Variants in PPARGC1B observed in about 807,000 individuals in gnomAD.
The protein encoded by PPARGC1B is PPARG coactivator 1 beta.
A neutral mutation model predicts 101.6 loss-of-function variants in PPARGC1B; 34 were observed. The ratio of observed to expected loss-of-function variants is 0.33; its 90% CI spans 0.25 to 0.45. The LOEUF (loss-of-function observed/expected upper bound fraction) is 0.45, where lower values mean the gene tolerates loss of function less well. PPARGC1B is among the 20% of genes least tolerant of loss of function. The probability of loss-of-function intolerance (pLI) is 1.00; values close to 1 mark genes in which losing one functional copy is unlikely to be tolerated. For synonymous variants in PPARGC1B, 548 were observed against 539.3 expected (o/e 1.02, Z -0.22); for missense variants, 1,234 against 1,317.6 (o/e 0.94, Z 0.98).
intron 1 of PPARGC1B, among the ~76,000 whole-genome samples, chr5:149,808,565 T>A (rs11167483): frequency 0.86 from 130,949 of 152,052 alleles, 56,473 homozygotes; most frequent in Middle Eastern, 0.94. Flanking sequence ...GGAAAGAAAC[T>A]GAACTCTCAG....
At chr5:149,749,773 G>A (rs1191753926) in intron 1 of PPARGC1B, among the ~76,000 whole-genome samples, 1 of 152,102 alleles carries the variant, frequency 6.6e-6, no homozygotes, top group East Asian at 1.9e-4. Flanking sequence ...CCCCTCTCTG[G>A]CCCTGAGTTT....
Position 149,847,661 on chromosome 5 carries a change from C to G in PPARGC1B, c.*103C>G, listed in dbSNP as rs987749304. The G allele has an allele frequency of 7.4e-6, 6 of 809,404 alleles. No homozygotes were observed. The highest frequency in any genetic ancestry group is 1.2e-5 in the Non-Finnish European group (6 of 491,490). The allele number at this position is 809,404 out of a possible 1,614,324, so 50.1% of individuals were successfully genotyped here. A position where few individuals can be genotyped will look rare whatever the true frequency, so the allele number is the denominator to read the frequency against. On this transcript the variant is annotated 3_prime_UTR_variant, in exon 12 of 12. Coordinates refer to ENST00000309241, the MANE Select transcript of PPARGC1B (RefSeq NM_133263.4). ...CAAGTATATGAGGAGAGCGAGCGAG[C>G]GTGAGAGAACACCCGTGAGAGAGAC...
rs1488185821 is a variant in PPARGC1B at position 149,836,452 on chromosome 5, C to T, written c.1997C>T (p.Ser666Phe). ...KKHPERSELL[S>F]HLRHATAQPA... ...CACCCAGAGCGAAGTGAGCTCCTGT[C>T]CCACCTGCGACATGCCACAGCCCAG... Residue 666 changes from serine (S) to phenylalanine (F), a missense_variant, in exon 8 of 12, where the codon TCC becomes TTC. Ser to Phe is a radical substitution (Grantham distance 155). Around this residue, in one of 3 missense-constraint regions of PPARGC1B, gnomAD observed 497 missense variants for 529.5 expected, o/e 0.94. Transcript: ENST00000309241. 1 of 1,613,994 alleles carries T rather than the reference C, an allele frequency of 6.2e-7. No homozygotes were observed. Among genetic ancestry groups the T allele is most frequent in the Non-Finnish European group, 8.5e-7 (1 of 1,180,040 alleles).
At chr5:149,802,780 A>G (rs1757472009) in intron 1 of PPARGC1B, among the ~76,000 whole-genome samples, 2 of 152,108 alleles carry the variant, frequency 1.3e-5, no homozygotes, top group African/African-American at 2.4e-5. Context: ...CCAAACTTAA[A>G]TGTGCCTATG....
intron 1 of PPARGC1B, among the ~76,000 whole-genome samples, chr5:149,762,218 G>A (rs879696533): frequency 7.3e-5 from 11 of 149,842 alleles, no homozygotes; most frequent in Non-Finnish European, 1.5e-4. Flanking sequence ...GTGCAATCTC[G>A]GCTCACTGCA....
At chr5:149,855,767 A>G (rs1193683178), downstream of PPARGC1B, among the ~76,000 whole-genome samples, 1 of 152,166 alleles carries the variant, frequency 6.6e-6, no homozygotes. Context: ...TTATTTTTAA[A>G]TGCCAGACAC....
intron 1 of PPARGC1B, among the ~76,000 whole-genome samples, chr5:149,744,908 C>CT (rs34363116): frequency 0.77 from 102,995 of 132,926 alleles, 39,938 homozygotes; most frequent in South Asian, 0.88. Flanking sequence ...AGCTTTGTGA[C>CT]TTTTTTTTTT....
intron 1 of PPARGC1B, among the ~76,000 whole-genome samples, chr5:149,777,330 T>A (rs1264686023): frequency 6.6e-6 from 1 of 152,156 alleles, no homozygotes; most frequent in Non-Finnish European, 1.5e-5. Flanking sequence ...CAGAAACACA[T>A]GCCACGGTTG....
At chr5:149,755,120 G>C (rs112737565) in intron 1 of PPARGC1B, among the ~76,000 whole-genome samples, 3,597 of 147,936 alleles carry the variant, frequency 0.024, 143 homozygotes, top group African/African-American at 0.086. Flanking sequence ...TGTTGGGCAG[G>C]CTGGTCTCAA....
At chr5:149,765,447 C>T (rs577314777) in intron 1 of PPARGC1B, among the ~76,000 whole-genome samples, 1 of 152,142 alleles carries the variant, frequency 6.6e-6, no homozygotes, top group Non-Finnish European at 1.5e-5. Flanking sequence ...TAGGTTTACT[C>T]CTAGTCGAGA....
chr5:149,854,505 AT>A lies in PPARGC1B; in HGVS notation c.*6953del, dbSNP rs1381638846. ...ATTTATAATAGAAAGCTAAATTTTA[AT>A]TTTTTAAAGGACACTGCTAATGATT... On this transcript the variant is annotated 3_prime_UTR_variant, in exon 12 of 12. Coordinates refer to ENST00000309241, the MANE Select transcript of PPARGC1B (RefSeq NM_133263.4). The A allele has an allele frequency of 6.6e-6, 1 of 152,048 alleles. No individual in the cohort carries two copies. The highest frequency in any genetic ancestry group is 2.4e-5 in the African/African-American group (1 of 41,380). The allele number at this position is 152,048 out of a possible 1,614,324, so 9.4% of individuals were successfully genotyped here. A position where few individuals can be genotyped will look rare whatever the true frequency, so the allele number is the denominator to read the frequency against.
intron 1 of PPARGC1B, among the ~76,000 whole-genome samples, chr5:149,784,008 AC>A (rs1388817476): frequency 1.3e-5 from 2 of 151,632 alleles, no homozygotes; most frequent in African/African-American, 4.9e-5. Context: ...GGCATGGGAG[AC>A]CCCCTGACTT....
chr5:149,805,390 A>G (rs1448068358), intron 1 of PPARGC1B, among the ~76,000 whole-genome samples: 1 of 152,214 alleles, frequency 6.6e-6, no homozygotes, highest in African/African-American at 2.4e-5. Context: ...TGCAAGATAC[A>G]TCACCCTACT....
chr5:149,797,523 TTAA>T (rs1757270326), intron 1 of PPARGC1B, among the ~76,000 whole-genome samples: 1 of 152,256 alleles, frequency 6.6e-6, no homozygotes, highest in South Asian at 2.1e-4. Context: ...TTGTTATTTG[TTAA>T]TAAGGAAACA....
intron 1 of PPARGC1B, among the ~76,000 whole-genome samples, chr5:149,775,023 A>G (rs1349822246): frequency 6.6e-6 from 1 of 152,154 alleles, no homozygotes; most frequent in Non-Finnish European, 1.5e-5. Flanking sequence ...TGGTTCCACA[A>G]TTCCACCTAG....
Position 149,847,760 on chromosome 5 carries a change from T to C in PPARGC1B, c.*202T>C, listed in dbSNP as rs1454769847. On this transcript the variant is annotated 3_prime_UTR_variant, in exon 12 of 12. Coordinates refer to ENST00000309241, the MANE Select transcript of PPARGC1B (RefSeq NM_133263.4). ...ACAAAGCTGCTTCTGTCTGTGAGTT[T>C]CCATGGTGTTGACGTTCCACTGCCA... is the stretch of plus-strand genomic sequence containing the variant. The C allele has an allele frequency of 1.8e-6, 1 of 567,194 alleles. No individual in the cohort carries two copies. The highest frequency in any genetic ancestry group is 1.9e-5 in the African/African-American group (1 of 53,328). 35.1% of individuals were successfully genotyped at this position (567,194 alleles called of 1,614,324 possible). A position where few individuals can be genotyped will look rare whatever the true frequency, so the allele number is the denominator to read the frequency against.
chr5:149,733,397 TCCTGCATGG>T, intron 1 of PPARGC1B, among the ~76,000 whole-genome samples: 1 of 152,316 alleles, frequency 6.6e-6, no homozygotes, highest in South Asian at 2.1e-4. Flanking sequence ...CACTCACCCG[TCCTGCATGG>T]CCTTCTCCTC....
chr5:149,847,614 A>G lies in PPARGC1B; in HGVS notation c.*56A>G. On this transcript the variant is annotated 3_prime_UTR_variant, in exon 12 of 12. Transcript: ENST00000309241. ...ATACCTCAGACAAGGCCCTTCCAAT[A>G]TGTTTACGTTTTCAAAGAAATCAAG... 7.5e-7 allele frequency: 1 copy of G among 1,337,872 alleles called. No individual in the cohort carries two copies. The highest frequency in any genetic ancestry group is 1.5e-5 in the African/African-American group (1 of 68,938). 82.9% of individuals were successfully genotyped at this position (1,337,872 alleles called of 1,614,324 possible).
At chr5:149,801,390 A>G (rs1312057205) in intron 1 of PPARGC1B, among the ~76,000 whole-genome samples, 2 of 152,188 alleles carry the variant, frequency 1.3e-5, no homozygotes, top group African/African-American at 4.8e-5. Context: ...TGAATAGGAG[A>G]TAAGTAGGCA....
Sources: gnomAD v4.1 joint callset for allele counts (sites outside exome capture counted in the v4.1 genomes callset) on GRCh38, gnomAD v4.1.1 for gene constraint, gnomAD v4.1.1 regional missense constraint, MANE v1.5 for transcripts, NCBI Gene and HGNC (gene_info 2026-07-23, HGNC 2026-07-21) for gene names.